The following BBS9 variants were observed in gnomAD, a reference collection of about 807,000 sequenced individuals.
The protein encoded by BBS9 is Bardet-Biedl syndrome 9.
Under a neutral mutation model 117.7 loss-of-function variants are expected in BBS9, and 89 were observed. The observed-to-expected ratio is 0.76, with a 90% CI of 0.64 to 0.90. BBS9 has a LOEUF of 0.90. Ranked by LOEUF, BBS9 falls within the 40% of genes least tolerant of loss-of-function variation. The pLI, the probability that BBS9 is intolerant of heterozygous loss-of-function variation, is 0.00. For synonymous variants in BBS9, 379 were observed against 370.9 expected (o/e 1.02, Z -0.25); for missense variants, 982 against 1,042.2 (o/e 0.94, Z 0.80).
intron 9 of BBS9, among the ~76,000 whole-genome samples, chr7:33,318,618 C>T (rs111858574): frequency 0.033 from 5,051 of 151,944 alleles, 277 homozygotes; most frequent in African/African-American, 0.12. Flanking sequence ...TGGGGAACGG[C>T]GGTATTTGGT....
chr7:33,377,615 T>G (rs985311124), intron 17 of BBS9, among the ~76,000 whole-genome samples: 4 of 152,232 alleles, frequency 2.6e-5, no homozygotes, highest in Admixed American at 6.5e-5. Flanking sequence ...TTGGGTAGTA[T>G]GGCCATTTCG....
intron 20 of BBS9, among the ~76,000 whole-genome samples, chr7:33,525,973 G>T (rs373773311): frequency 6.6e-6 from 1 of 151,538 alleles, no homozygotes; most frequent in African/African-American, 2.4e-5. Context: ...GCATTTGCTT[G>T]TCTGTAAAGT....
chr7:33,135,641 G>C (rs953951361), intron 1 of BBS9, among the ~76,000 whole-genome samples: 6 of 152,046 alleles, frequency 3.9e-5, no homozygotes, highest in Non-Finnish European at 8.8e-5. Flanking sequence ...TTTTAATTTT[G>C]AGATTGTTTT....
At chr7:33,353,006 C>CAGT in intron 15 of BBS9, 133 bp downstream of exon 15, 1 of 900,872 alleles carries the variant, frequency 1.1e-6, no homozygotes, top group African/African-American at 1.7e-5. Context: ...TAGGATGATA[C>CAGT]AGTGCCTTGA....
intron 7 of BBS9, among the ~76,000 whole-genome samples, chr7:33,269,234 G>A (rs559657585): frequency 6.2e-4 from 94 of 152,300 alleles, no homozygotes; most frequent in Non-Finnish European, 1.0e-3. Context: ...TGTCTTTAAT[G>A]TGACTTTTCA....
At chr7:33,154,821 C>T (rs1793868873) in intron 3 of BBS9, among the ~76,000 whole-genome samples, 2 of 152,174 alleles carry the variant, frequency 1.3e-5, no homozygotes, top group African/African-American at 4.8e-5. Context: ...ATTTAAGAAC[C>T]AAGAGATTTC....
intron 21 of BBS9, among the ~76,000 whole-genome samples, chr7:33,622,322 G>A (rs1024149152): frequency 3.9e-5 from 6 of 152,148 alleles, no homozygotes; most frequent in African/African-American, 1.4e-4. Context: ...TGGCTCTCAG[G>A]TTCTAGTTTG....
At chr7:33,586,378 G>A (rs1030915494) in intron 21 of BBS9, among the ~76,000 whole-genome samples, 6 of 134,694 alleles carry the variant, frequency 4.5e-5, no homozygotes, top group African/African-American at 2.0e-4. Context: ...CTGTTAAGAA[G>A]TAAAAAAAAA....
At chr7:33,231,046 ACAAGTGTTCCC>A (rs1171128606) in intron 5 of BBS9, among the ~76,000 whole-genome samples, 1 of 152,194 alleles carries the variant, frequency 6.6e-6, no homozygotes, top group Non-Finnish European at 1.5e-5. Context: ...CCAGCAGAGT[ACAAGTGTTCCC>A]TTTTCACCAC....
intron 21 of BBS9, among the ~76,000 whole-genome samples, chr7:33,623,031 A>G (rs1413927145): frequency 6.6e-6 from 1 of 152,212 alleles, no homozygotes; most frequent in Non-Finnish European, 1.5e-5. Flanking sequence ...TAATTTCATC[A>G]TAGCCTAAAA....
intron 21 of BBS9, among the ~76,000 whole-genome samples, chr7:33,564,644 A>G (rs1400247373): frequency 3.9e-5 from 6 of 152,348 alleles, no homozygotes; most frequent in Non-Finnish European, 7.3e-5. Context: ...CTGCGATAGA[A>G]GATTACATAA....
chr7:33,209,624 G>A (rs1279575523), intron 5 of BBS9, among the ~76,000 whole-genome samples: 2 of 152,108 alleles, frequency 1.3e-5, no homozygotes, highest in Admixed American at 1.3e-4. Flanking sequence ...AATGTTGGTA[G>A]GTTGTATGTG....
chr7:33,519,893 G>A (rs529924445), intron 20 of BBS9, among the ~76,000 whole-genome samples: 2 of 152,148 alleles, frequency 1.3e-5, no homozygotes, highest in African/African-American at 4.8e-5. Flanking sequence ...CATTTTCAGT[G>A]AAGTACCTTA....
intron 19 of BBS9, among the ~76,000 whole-genome samples, chr7:33,407,922 C>G (rs1290989307): frequency 1.3e-5 from 2 of 152,260 alleles, no homozygotes; most frequent in Non-Finnish European, 2.9e-5. Flanking sequence ...TGCCCTTTCT[C>G]AGATCTCCAG....
At chr7:33,430,332 CTAAACA>C (rs1399089687) in intron 19 of BBS9, among the ~76,000 whole-genome samples, 2 of 152,170 alleles carry the variant, frequency 1.3e-5, no homozygotes, top group Non-Finnish European at 1.5e-5. Flanking sequence ...TTAGGTTCTA[CTAAACA>C]TTTTTCTTAT....
chr7:33,573,008 C>G (rs2129141869), intron 21 of BBS9, among the ~76,000 whole-genome samples: 1 of 152,116 alleles, frequency 6.6e-6, no homozygotes, highest in South Asian at 2.1e-4. Flanking sequence ...CCTCTCACCC[C>G]TCCCTGGCTC....
At chr7:33,443,437 C>G (rs1836509953) in intron 19 of BBS9, among the ~76,000 whole-genome samples, 2 of 152,096 alleles carry the variant, frequency 1.3e-5, no homozygotes, top group African/African-American at 2.4e-5. Context: ...CGGGAAACCC[C>G]TATATTTTTC....
At chr7:33,626,819 G>A (rs1352560623) in intron 21 of BBS9, among the ~76,000 whole-genome samples, 2 of 152,246 alleles carry the variant, frequency 1.3e-5, no homozygotes, top group African/African-American at 4.8e-5. Context: ...GCTTCTAACA[G>A]TATATGGTCA....
chr7:33,242,045 T>G (rs78575041), intron 5 of BBS9, among the ~76,000 whole-genome samples: 4 of 152,152 alleles, frequency 2.6e-5, no homozygotes, highest in Admixed American at 6.6e-5. Flanking sequence ...CTTCAAAGAT[T>G]TGAGTAATCT....
Sources: gnomAD v4.1 joint callset for allele counts (sites outside exome capture counted in the v4.1 genomes callset) on GRCh38, gnomAD v4.1.1 for gene constraint, MANE v1.5 for transcripts, NCBI Gene and HGNC (gene_info 2026-07-23, HGNC 2026-07-21) for gene names.